FRAS1: variants seen among roughly 807,000 people sequenced by gnomAD.
FRAS1 encodes extracellular matrix organizing protein FRAS1.
FRAS1 carries 290 observed loss-of-function variants against 435.2 expected under a neutral mutation model. That is an observed-to-expected ratio of 0.67 (90% CI 0.61 to 0.73). The LOEUF is 0.73. Among genes scored for constraint, FRAS1 ranks in the 30% least tolerant of loss-of-function variants. The pLI, the probability that FRAS1 is intolerant of heterozygous loss-of-function variation, is 0.00. For missense variants in FRAS1, 4,860 were observed against 5,001.5 expected (o/e 0.97, Z 0.85); for synonymous variants, 1,800 against 1,851.0 (o/e 0.97, Z 0.71).
Position 78,519,435 on chromosome 4 carries a change from C to T in FRAS1, c.10494C>T (p.Thr3498=), listed in dbSNP as rs149604281. 35,432 of 1,611,910 alleles carry T rather than the reference C, an allele frequency of 0.022. 502 individuals are homozygous for T. Among genetic ancestry groups the T allele is most frequent in the Middle Eastern group, 0.038 (233 of 6,054 alleles). The change falls in exon 67 of 74, where the codon ACC becomes ACT. Residue 3498 remains threonine (T), a synonymous_variant. Coordinates refer to ENST00000512123, the MANE Select transcript of FRAS1 (RefSeq NM_025074.7). ...PRGWASLEHH[T]EMEFSFFYDT... Reference sequence around the variant, plus strand: ...GCTGGGCCTCCTTGGAGCACCACACCGAGATGGAGTTTTCTTTCTTCTATG... The same window carrying T: ...GCTGGGCCTCCTTGGAGCACCACACTGAGATGGAGTTTTCTTTCTTCTATG...
At chr4:78,539,543 C>A in intron 73 of FRAS1, 103 bp downstream of exon 73, 1 of 1,078,762 alleles carries the variant, frequency 9.3e-7, no homozygotes, top group Non-Finnish European at 1.3e-6. Context: ...GATTCTTCAA[C>A]ATTCTGCCAT....
At chr4:78,214,881 G>T (rs1295728608) in intron 2 of FRAS1, among the ~76,000 whole-genome samples, 1 of 152,124 alleles carries the variant, frequency 6.6e-6, no homozygotes, top group African/African-American at 2.4e-5. Context: ...ACAAAAACCA[G>T]CCTTCTTTGC....
intron 25 of FRAS1, among the ~76,000 whole-genome samples, chr4:78,375,299 C>A (rs1277181346): frequency 6.6e-6 from 1 of 152,150 alleles, no homozygotes; most frequent in African/African-American, 2.4e-5. Flanking sequence ...CACATTATAA[C>A]ACATGTAATC....
At chr4:78,264,535 G>A (rs1420317017) in intron 6 of FRAS1, among the ~76,000 whole-genome samples, 1 of 152,162 alleles carries the variant, frequency 6.6e-6, no homozygotes, top group Non-Finnish European at 1.5e-5. Context: ...TCACTTTTGA[G>A]TTTCAGGATG....
intron 2 of FRAS1, among the ~76,000 whole-genome samples, chr4:78,133,813 C>A (rs1456953550): frequency 1.3e-5 from 2 of 152,128 alleles, no homozygotes; most frequent in Non-Finnish European, 2.9e-5. Flanking sequence ...TAATTTTGCT[C>A]TTTCTTTTAA....
intron 2 of FRAS1, among the ~76,000 whole-genome samples, chr4:78,163,679 T>C (rs928420241): frequency 1.3e-5 from 2 of 152,228 alleles, no homozygotes; most frequent in African/African-American, 4.8e-5. Context: ...GGGGCTGATC[T>C]ATAGTGCTGT....
intron 2 of FRAS1, among the ~76,000 whole-genome samples, chr4:78,129,235 T>C (rs974410155): frequency 1.1e-4 from 16 of 152,302 alleles, no homozygotes; most frequent in Middle Eastern, 3.4e-3. Flanking sequence ...CTTGGCGATG[T>C]GGGCTCTTTT....
At chr4:78,138,924 A>T (rs1011384742) in intron 2 of FRAS1, among the ~76,000 whole-genome samples, 7 of 152,098 alleles carry the variant, frequency 4.6e-5, no homozygotes, top group Non-Finnish European at 1.0e-4. Context: ...GATCTCTCTA[A>T]GTTCTGGCAC....
At chr4:78,317,911 G>A (rs1294627752) in intron 17 of FRAS1, among the ~76,000 whole-genome samples, 1 of 152,310 alleles carries the variant, frequency 6.6e-6, no homozygotes, top group East Asian at 1.9e-4. Flanking sequence ...ATGCCTCTGG[G>A]CTGAGTGAAA....
At chr4:78,368,942 G>A (rs182110193) in intron 22 of FRAS1, among the ~76,000 whole-genome samples, 20 of 152,272 alleles carry the variant, frequency 1.3e-4, no homozygotes, top group East Asian at 3.9e-4. Flanking sequence ...GTTTGAAGGC[G>A]AAAGTGTACT....
chr4:78,314,070 T>C (rs1729137931), intron 15 of FRAS1, among the ~76,000 whole-genome samples: 1 of 152,090 alleles, frequency 6.6e-6, no homozygotes, highest in Non-Finnish European at 1.5e-5. Flanking sequence ...GGATCATTTC[T>C]TCTTGGTCAC....
chr4:78,416,671 G>T (rs1733569046), intron 32 of FRAS1, among the ~76,000 whole-genome samples: 1 of 152,146 alleles, frequency 6.6e-6, no homozygotes, highest in African/African-American at 2.4e-5. Context: ...TAAGTGTGTG[G>T]GCTGGGGCAG....
At chr4:78,412,687 ATAT>A (rs1211932003) in intron 31 of FRAS1, among the ~76,000 whole-genome samples, 1 of 152,226 alleles carries the variant, frequency 6.6e-6, no homozygotes, top group African/African-American at 2.4e-5. Flanking sequence ...CAACATATGA[ATAT>A]TCACTATTTC....
At chr4:78,476,994 A>G (rs1719871562) in intron 54 of FRAS1, among the ~76,000 whole-genome samples, 1 of 151,828 alleles carries the variant, frequency 6.6e-6, no homozygotes, top group South Asian at 2.1e-4. Context: ...CTTTTTAAAA[A>G]AAAAAAAAAA....
At chr4:78,511,669 GC>G in intron 64 of FRAS1, 163 bp downstream of exon 64, 1 of 683,038 alleles carries the variant, frequency 1.5e-6, no homozygotes, top group South Asian at 1.5e-5. Flanking sequence ...TCAAGCTCGG[GC>G]CCCCTGCCTA....
Position 78,445,566 on chromosome 4 carries a change from T to C in FRAS1, c.5710T>C (p.Phe1904Leu), listed in dbSNP as rs554748106. 6.2e-7 allele frequency: 1 copy of C among 1,611,272 alleles called. No individual in the cohort carries two copies. The highest frequency in any genetic ancestry group is 2.2e-5 in the East Asian group (1 of 44,842). Residue 1904 changes from phenylalanine (F) to leucine (L), a missense_variant, in exon 42 of 74, where the codon TTT (phenylalanine) becomes CTT (leucine). Physicochemically the swap from Phe to Leu is conservative, Grantham distance 22. Coordinates refer to ENST00000512123, the MANE Select transcript of FRAS1 (RefSeq NM_025074.7). ...AACTGCCAGTGACCTAGAGGCATCATTTCCTATTCAAGACGTCCTGGAAAA... is the reference window on the plus strand; with the variant it reads ...AACTGCCAGTGACCTAGAGGCATCACTTCCTATTCAAGACGTCCTGGAAAA... ...PETASDLEAS[F>L]PIQDVLENYI...
At chr4:78,532,956 G>A (rs1293484816) in intron 70 of FRAS1, among the ~76,000 whole-genome samples, 1 of 152,146 alleles carries the variant, frequency 6.6e-6, no homozygotes, top group Non-Finnish European at 1.5e-5. Flanking sequence ...GAGTGGAGAT[G>A]TCTCTACAAG....
chr4:78,512,602 T>C (rs978218084), intron 64 of FRAS1, among the ~76,000 whole-genome samples: 16 of 152,274 alleles, frequency 1.1e-4, no homozygotes, highest in African/African-American at 3.6e-4. Flanking sequence ...TTGTATACTA[T>C]GTGCCCTGGA....
intron 32 of FRAS1, among the ~76,000 whole-genome samples, chr4:78,415,006 T>G (rs1218590389): frequency 2.0e-5 from 3 of 152,118 alleles, no homozygotes; most frequent in Admixed American, 1.3e-4. Flanking sequence ...TGAGTGTAAA[T>G]TATCTAGAGA....
Sources: allele counts gnomAD v4.1 joint callset (sites outside exome capture counted in the v4.1 genomes callset), GRCh38; gene constraint gnomAD v4.1.1; transcripts MANE v1.5; gene names NCBI Gene and HGNC (gene_info 2026-07-23, HGNC 2026-07-21).